The following ZNF516 variants were observed in gnomAD, a reference collection of about 807,000 sequenced individuals.
ZNF516 encodes zinc finger protein 516.
A neutral mutation model predicts 79.7 loss-of-function variants in ZNF516; 19 were observed. The observed-to-expected ratio is 0.24, with a 90% CI of 0.17 to 0.35. ZNF516 has a LOEUF of 0.35. ZNF516 is among the 10% of genes least tolerant of loss of function. ZNF516 has a pLI of 1.00. For synonymous variants in ZNF516, 877 were observed against 739.5 expected, an observed-to-expected ratio of 1.19 and a Z score of -3.02; for missense variants, 1,678 against 1,679.5, an observed-to-expected ratio of 1.00 and a Z score of 0.02.
At chr18:76,455,946 T>C (rs561412053) in intron 2 of ZNF516, among the ~76,000 whole-genome samples, 15 of 152,298 alleles carry the variant, frequency 9.8e-5, no homozygotes, top group African/African-American at 2.4e-4. Flanking sequence ...ATAAACACAA[T>C]TGACAGCCAG....
chr18:76,438,717 C>T (rs1181608763), intron 3 of ZNF516, among the ~76,000 whole-genome samples: 1 of 152,182 alleles, frequency 6.6e-6, no homozygotes, highest in Non-Finnish European at 1.5e-5. Flanking sequence ...TTCACTTAAT[C>T]TAATAATGCA....
chr18:76,404,821 G>A (rs180709350), intron 3 of ZNF516, among the ~76,000 whole-genome samples: 1 of 145,122 alleles, frequency 6.9e-6, no homozygotes, highest in Non-Finnish European at 1.6e-5. Context: ...GTGTGCACGA[G>A]TTTGCATGTG....
At chr18:76,496,270 TC>T, upstream of ZNF516, 1 of 1,286,800 alleles carries the variant, frequency 7.8e-7, no homozygotes, top group South Asian at 1.2e-5. Flanking sequence ...CACTATCTTC[TC>T]CCACCAGGCT....
chr18:76,473,298 T>G (rs766638748), intron 1 of ZNF516, among the ~76,000 whole-genome samples: 3 of 144,640 alleles, frequency 2.1e-5, no homozygotes, highest in Non-Finnish European at 4.5e-5. Flanking sequence ...TAAACTCACT[T>G]ATTTAAAAAA....
At chr18:76,466,191 C>G (rs1393658277) in intron 1 of ZNF516, among the ~76,000 whole-genome samples, 1 of 152,090 alleles carries the variant, frequency 6.6e-6, no homozygotes, top group Non-Finnish European at 1.5e-5. Context: ...ATTTGATTTA[C>G]GACACTAATT....
intron 1 of ZNF516, among the ~76,000 whole-genome samples, chr18:76,466,701 G>T (rs1292975973): frequency 6.6e-6 from 1 of 152,232 alleles, no homozygotes; most frequent in Non-Finnish European, 1.5e-5. Flanking sequence ...TGTGAGGCAA[G>T]ACACCCAGTG....
At chr18:76,407,453 G>A (rs1027242162) in intron 3 of ZNF516, among the ~76,000 whole-genome samples, 14 of 152,100 alleles carry the variant, frequency 9.2e-5, no homozygotes, top group Non-Finnish European at 2.1e-4. Context: ...TGGAGAGGAG[G>A]AAACCCAGTA....
At chr18:76,440,464 G>A (rs1290113869) in intron 3 of ZNF516, among the ~76,000 whole-genome samples, 1 of 152,134 alleles carries the variant, frequency 6.6e-6, no homozygotes, top group Non-Finnish European at 1.5e-5. Flanking sequence ...TTCTCTAACT[G>A]AAACATCACT....
At chr18:76,428,514 T>C (rs1183318889) in intron 3 of ZNF516, among the ~76,000 whole-genome samples, 1 of 152,048 alleles carries the variant, frequency 6.6e-6, no homozygotes, top group Non-Finnish European at 1.5e-5. Context: ...ACCTGAACAA[T>C]GATCAACAGG....
At chr18:76,365,386 T>C (rs1254771909) in intron 6 of ZNF516, among the ~76,000 whole-genome samples, 1 of 152,196 alleles carries the variant, frequency 6.6e-6, no homozygotes, top group East Asian at 1.9e-4. Context: ...CAAAAATCAT[T>C]TTAATTTCTA....
chr18:76,418,151 A>G (rs2075456460), intron 3 of ZNF516, among the ~76,000 whole-genome samples: 1 of 152,134 alleles, frequency 6.6e-6, no homozygotes, highest in African/African-American at 2.4e-5. Context: ...ACAGTAACAT[A>G]CACAGTAACA....
At chr18:76,390,992 G>A (rs548029716) in intron 3 of ZNF516, among the ~76,000 whole-genome samples, 3 of 152,212 alleles carry the variant, frequency 2.0e-5, no homozygotes, top group South Asian at 2.1e-4. Flanking sequence ...ACCCCACAGC[G>A]CTGAGCTCAT....
rs1254606711 is a variant in ZNF516, at chr18:76,379,268, G to A, written c.2846C>T (p.Pro949Leu). 1 of 1,612,428 alleles carries A rather than the reference G, an allele frequency of 6.2e-7. No homozygotes were observed. Among genetic ancestry groups the A allele is most frequent in the Non-Finnish European group, 8.5e-7 (1 of 1,179,546 alleles). The change falls in exon 4 of 7, where the codon CCT (proline) becomes CTT (leucine). Residue 949 changes from proline to leucine, a missense_variant. Coordinates refer to ENST00000443185, the MANE Select transcript of ZNF516 (RefSeq NM_014643.4). ...TGGGGGGACCCCAAACTTCTCCACA[G>A]GCTTGCTATTGGCCGAGGGCTGCGC... ...AGAQPSANSKPVEKFGVPPAG... is the reference protein window; with the variant it reads ...AGAQPSANSKLVEKFGVPPAG...
chr18:76,376,782 C>A (rs77708289), intron 4 of ZNF516, among the ~76,000 whole-genome samples: 1,762 of 152,174 alleles, frequency 0.012, 12 homozygotes, highest in Non-Finnish European at 0.016. Flanking sequence ...CTAGGGTGCA[C>A]GCAGGCTGGA....
In ZNF516 at chr18:76,441,588, G is replaced by A. The variant is rs1471197818; in HGVS notation, c.1467C>T (p.Pro489=). The change falls in exon 3 of 7, where the codon CCC becomes CCT. Residue 489 remains proline, a synonymous_variant. Transcript: ENST00000443185. The part of the protein sequence containing the change: ...KRASGPGDPA[P]AGHLDPRSAA... ...CCGAGCGGGGATCGAGGTGGCCGGC[G>A]GGCGCGGGGTCCCCAGGCCCGCTCG... is the stretch of plus-strand genomic sequence containing the variant. 12 of 1,435,976 alleles carry A rather than the reference G, an allele frequency of 8.4e-6. No individual in the cohort carries two copies. The highest frequency in any genetic ancestry group is 6.1e-5 in the African/African-American group (4 of 65,936). The allele number at this position is 1,435,976 out of a possible 1,614,324, so 89.0% of individuals were successfully genotyped here.
At chr18:76,373,683 T>C (rs548353998) in intron 4 of ZNF516, among the ~76,000 whole-genome samples, 1 of 152,366 alleles carries the variant, frequency 6.6e-6, no homozygotes, top group East Asian at 1.9e-4. Context: ...CATCCGTGCT[T>C]ATTTCCTTGA....
chr18:76,482,041 A>C (rs545661233), intron 1 of ZNF516, among the ~76,000 whole-genome samples: 11 of 152,348 alleles, frequency 7.2e-5, no homozygotes, highest in Admixed American at 7.2e-4. Flanking sequence ...AAGAATATAC[A>C]GCCTGTATTA....
At chr18:76,409,031 TA>T (rs147562670) in intron 3 of ZNF516, among the ~76,000 whole-genome samples, 3,029 of 152,290 alleles carry the variant, frequency 0.02, 80 homozygotes, top group African/African-American at 0.069. Flanking sequence ...AAAAAAATCA[TA>T]AAAGTTTTAC....
intron 3 of ZNF516, among the ~76,000 whole-genome samples, chr18:76,439,530 T>C (rs1227799825): frequency 2.0e-5 from 3 of 152,080 alleles, no homozygotes; most frequent in South Asian, 4.1e-4. Context: ...TAGAGAAAAA[T>C]ATATATAATG....
Sources: allele counts gnomAD v4.1 joint callset (sites outside exome capture counted in the v4.1 genomes callset), GRCh38; gene constraint gnomAD v4.1.1; transcripts MANE v1.5; gene names NCBI Gene and HGNC (gene_info 2026-07-23, HGNC 2026-07-21).